RYR3: variants seen among roughly 807,000 people sequenced by gnomAD.
RYR3 encodes brain ryanodine receptor-calcium release channel.
A neutral mutation model predicts 584.3 loss-of-function variants in RYR3; 207 were observed. That is an observed-to-expected ratio of 0.35 (90% CI 0.32 to 0.40). The LOEUF is 0.40. RYR3 is among the 10% of genes least tolerant of loss of function. RYR3 has a pLI of 1.00. For missense variants in RYR3, 5,616 were observed against 6,089.2 expected (o/e 0.92, Z 2.59); for synonymous variants, 2,416 against 2,248.5 (o/e 1.07, Z -2.11).
chr15:33,723,914 T>C, intron 44 of RYR3, 151 bp from the exon 45 acceptor site: 1 of 591,674 alleles, frequency 1.7e-6, no homozygotes, highest in Admixed American at 3.2e-5. Context: ...TGAAACCACT[T>C]TGTCAACTTC....
At chr15:33,434,713 T>C (rs1452288303) in intron 1 of RYR3, among the ~76,000 whole-genome samples, 1 of 152,200 alleles carries the variant, frequency 6.6e-6, no homozygotes, top group Non-Finnish European at 1.5e-5. Flanking sequence ...TTCTCTCTCC[T>C]CTTCAGAGAT....
intron 1 of RYR3, among the ~76,000 whole-genome samples, chr15:33,408,868 A>G (rs1191461707): frequency 1.3e-5 from 2 of 152,218 alleles, no homozygotes; most frequent in Non-Finnish European, 2.9e-5. Context: ...CTTCTCCTAT[A>G]GAATAGAAAA....
intron 72 of RYR3, among the ~76,000 whole-genome samples, chr15:33,811,553 ATGTTTGTTTGTTTGTT>A (rs57062262): frequency 1.3e-5 from 2 of 150,274 alleles, no homozygotes; most frequent in Non-Finnish European, 1.5e-5. Context: ...CCCTTAATGT[ATGTTTGTTTGTTTGTT>A]TGTTTGTTTG....
At chr15:33,493,029 A>G (rs895582724) in intron 2 of RYR3, among the ~76,000 whole-genome samples, 4 of 152,162 alleles carry the variant, frequency 2.6e-5, no homozygotes, top group African/African-American at 9.6e-5. Context: ...AAAGGAATAC[A>G]TGGGAGAGGC....
intron 1 of RYR3, among the ~76,000 whole-genome samples, chr15:33,430,766 C>T (rs1207244198): frequency 6.6e-6 from 1 of 152,154 alleles, no homozygotes; most frequent in Non-Finnish European, 1.5e-5. Context: ...TATCACGTTG[C>T]TCATTTACTT....
In RYR3 at chr15:33,842,028, A is replaced by T. The variant is rs1375275293; in HGVS notation, c.13202A>T (p.Lys4401Met). 1.3e-6 allele frequency: 2 copies of T among 1,598,516 alleles called. No homozygotes were observed. The highest frequency in any genetic ancestry group is 3.4e-5 in the Admixed American group (2 of 58,180). The change falls in exon 91 of 104, where the codon AAG (lysine) becomes ATG (methionine). Residue 4401 changes from lysine to methionine, a missense_variant. Transcript: ENST00000634891. Reference sequence around the variant, plus strand: ...AAAGGGCTGGAAATCTATCAGACCAAGTTACTGGTAAGCATTCCAACCTTG... The same window carrying T: ...AAAGGGCTGGAAATCTATCAGACCATGTTACTGGTAAGCATTCCAACCTTG... ...FFKGLEIYQT[K>M]LLHYLARNFY...
chr15:33,819,022 C>T, intron 76 of RYR3, among the ~76,000 whole-genome samples: 1 of 152,110 alleles, frequency 6.6e-6, no homozygotes, highest in South Asian at 2.1e-4. Context: ...ACTCAGGAGG[C>T]TGAGGCAGGA....
At chr15:33,346,452 C>T (rs755619638) in intron 1 of RYR3, among the ~76,000 whole-genome samples, 14 of 152,160 alleles carry the variant, frequency 9.2e-5, no homozygotes, top group Admixed American at 2.0e-4. Flanking sequence ...TGGCAGTAAC[C>T]CATGCAGCTG....
chr15:33,670,645 G>T (rs2063789056), intron 38 of RYR3, 89 bp downstream of exon 38: 1 of 1,310,116 alleles, frequency 7.6e-7, no homozygotes. Context: ...AGATAGATAG[G>T]GGCTGCTTAA....
intron 1 of RYR3, among the ~76,000 whole-genome samples, chr15:33,350,697 G>A (rs1347199573): frequency 6.6e-6 from 1 of 152,036 alleles, no homozygotes; most frequent in Non-Finnish European, 1.5e-5. Flanking sequence ...AAATAAAGAT[G>A]TTCTTTGAAA....
intron 1 of RYR3, among the ~76,000 whole-genome samples, chr15:33,364,404 C>T (rs903443254): frequency 6.6e-6 from 1 of 152,180 alleles, no homozygotes; most frequent in African/African-American, 2.4e-5. Context: ...GCAGCATGCA[C>T]ACCTCATGAG....
intron 1 of RYR3, among the ~76,000 whole-genome samples, chr15:33,436,313 T>C (rs1426927505): frequency 6.6e-6 from 1 of 152,152 alleles, no homozygotes; most frequent in African/African-American, 2.4e-5. Context: ...TTTTCATATA[T>C]TTATTAGATA....
At chr15:33,510,739 C>T (rs1046665226) in intron 3 of RYR3, among the ~76,000 whole-genome samples, 2 of 151,856 alleles carry the variant, frequency 1.3e-5, no homozygotes, top group Non-Finnish European at 2.9e-5. Context: ...AATGAGAGGC[C>T]TCCAAACTAA....
intron 64 of RYR3, among the ~76,000 whole-genome samples, chr15:33,777,908 G>A (rs985287176): frequency 1.3e-5 from 2 of 152,150 alleles, no homozygotes; most frequent in Non-Finnish European, 2.9e-5. Flanking sequence ...GGTGGCTCAC[G>A]CCTGTAATCC....
chr15:33,440,473 G>A (rs975301100), intron 1 of RYR3, among the ~76,000 whole-genome samples: 2 of 152,176 alleles, frequency 1.3e-5, no homozygotes, highest in Non-Finnish European at 2.9e-5. Context: ...GGGACATTAG[G>A]TAGTGCCTGG....
chr15:33,820,734 T>C, intron 77 of RYR3, 22 bp from the exon 78 acceptor site: 1 of 1,596,502 alleles, frequency 6.3e-7, no homozygotes, highest in Non-Finnish European at 8.5e-7. Flanking sequence ...GTCTTCTCCC[T>C]TCCCTGCTCC....
intron 1 of RYR3, among the ~76,000 whole-genome samples, chr15:33,313,200 T>C (rs527570575): frequency 1.5e-4 from 23 of 152,238 alleles, no homozygotes; most frequent in Non-Finnish European, 3.1e-4. Flanking sequence ...TTAACATCTT[T>C]GTTTTTAGCT....
intron 1 of RYR3, among the ~76,000 whole-genome samples, chr15:33,312,280 G>A (rs1307313475): frequency 2.0e-5 from 3 of 151,998 alleles, no homozygotes; most frequent in Non-Finnish European, 1.5e-5. Flanking sequence ...TCCATCTTTT[G>A]AACCACTCTC....
At chr15:33,460,761 T>C (rs1170353168) in intron 1 of RYR3, among the ~76,000 whole-genome samples, 1 of 151,874 alleles carries the variant, frequency 6.6e-6, no homozygotes, top group African/African-American at 2.4e-5. Flanking sequence ...TGGAACAGAA[T>C]TTTTAGGAGT....
Sources: gnomAD v4.1 joint callset for allele counts (sites outside exome capture counted in the v4.1 genomes callset) on GRCh38, gnomAD v4.1.1 for gene constraint, MANE v1.5 for transcripts, NCBI Gene and HGNC (gene_info 2026-07-23, HGNC 2026-07-21) for gene names.